The following KIAA1549L variants were observed in gnomAD, a reference collection of about 807,000 sequenced individuals.
KIAA1549L encodes KIAA1549 like.
KIAA1549L carries 88 observed loss-of-function variants against 160.7 expected under a neutral mutation model. The ratio of observed to expected loss-of-function variants is 0.55; its 90% CI spans 0.46 to 0.65. The LOEUF (loss-of-function observed/expected upper bound fraction) is 0.65. KIAA1549L is among the 30% of genes least tolerant of loss of function. The pLI is 0.00. For synonymous variants in KIAA1549L, 950 were observed against 976.7 expected, an observed-to-expected ratio of 0.97 and a Z score of 0.51; for missense variants, 2,258 against 2,437.5, an observed-to-expected ratio of 0.93 and a Z score of 1.55.
chr11:33,476,936 C>T (rs1321079885), intron 1 of KIAA1549L, among the ~76,000 whole-genome samples: 1 of 152,118 alleles, frequency 6.6e-6, no homozygotes, highest in African/African-American at 2.4e-5. Flanking sequence ...TTGTTTGGTT[C>T]TGTATCTCTG....
At chr11:33,490,357 T>C (rs2133065626) in intron 1 of KIAA1549L, among the ~76,000 whole-genome samples, 1 of 149,704 alleles carries the variant, frequency 6.7e-6, no homozygotes, top group East Asian at 2.0e-4. Flanking sequence ...AGTATCTTGC[T>C]CTGTCACCCA....
intron 9 of KIAA1549L, among the ~76,000 whole-genome samples, chr11:33,570,005 T>TC: frequency 2.7e-5 from 1 of 36,796 alleles, no homozygotes; most frequent in South Asian, 1.1e-3. Context: ...TCTCTCTCTC[T>TC]CTTTTTTTTT....
intron 16 of KIAA1549L, among the ~76,000 whole-genome samples, chr11:33,622,061 G>T (rs1850972254): frequency 6.6e-6 from 1 of 152,122 alleles, no homozygotes; most frequent in South Asian, 2.1e-4. Context: ...TGTGGGCAGT[G>T]GGTTTGAAAA....
intron 1 of KIAA1549L, among the ~76,000 whole-genome samples, chr11:33,394,609 G>A (rs537583921): frequency 6.6e-6 from 1 of 152,112 alleles, no homozygotes; most frequent in Non-Finnish European, 1.5e-5. Flanking sequence ...TTTTAGACGG[G>A]GCATCTGTCA....
At chr11:33,540,117 A>G (rs1221249403) in intron 1 of KIAA1549L, among the ~76,000 whole-genome samples, 3 of 152,176 alleles carry the variant, frequency 2.0e-5, no homozygotes, top group Non-Finnish European at 4.4e-5. Flanking sequence ...ATCCCTTGGT[A>G]TTAGCCCCTA....
chr11:33,612,906 C>T (rs947559345), intron 15 of KIAA1549L, among the ~76,000 whole-genome samples: 5 of 152,162 alleles, frequency 3.3e-5, no homozygotes, highest in African/African-American at 1.2e-4. Flanking sequence ...CCTCCAACTC[C>T]ATCCATGTTT....
chr11:33,559,709 T>C (rs1056588308), intron 6 of KIAA1549L, 40 bp from the exon 7 acceptor site: 5 of 1,588,236 alleles, frequency 3.1e-6, no homozygotes, highest in Non-Finnish European at 4.3e-6. Context: ...CTGGTCTTAT[T>C]TGGCCTGTCT....
At chr11:33,565,703 G>A (rs1855024753) in intron 8 of KIAA1549L, among the ~76,000 whole-genome samples, 1 of 135,218 alleles carries the variant, frequency 7.4e-6, no homozygotes, top group African/African-American at 2.9e-5. Context: ...CTTCCGTGGA[G>A]GCTTTTTTTT....
chr11:33,596,722 GA>G (rs1301898406), intron 12 of KIAA1549L, among the ~76,000 whole-genome samples: 12 of 152,346 alleles, frequency 7.9e-5, no homozygotes, highest in South Asian at 6.2e-4. Flanking sequence ...CTGGGTGACA[GA>G]TCAAGACTCT....
intron 1 of KIAA1549L, among the ~76,000 whole-genome samples, chr11:33,392,367 A>G (rs899201018): frequency 6.6e-6 from 1 of 152,214 alleles, no homozygotes; most frequent in Non-Finnish European, 1.5e-5. Flanking sequence ...TTTTTGATGT[A>G]TTCAGAGTAA....
chr11:33,445,450 C>T (rs151055892), intron 1 of KIAA1549L, among the ~76,000 whole-genome samples: 176 of 152,238 alleles, frequency 1.2e-3, no homozygotes, highest in Middle Eastern at 3.4e-3. Context: ...TAATTTGTGT[C>T]GGTTATTGAA....
chr11:33,497,040 C>T (rs1163837943), intron 1 of KIAA1549L, among the ~76,000 whole-genome samples: 2 of 152,082 alleles, frequency 1.3e-5, no homozygotes, highest in Non-Finnish European at 2.9e-5. Context: ...TACCCCTTAC[C>T]ACTCACACGG....
intron 1 of KIAA1549L, among the ~76,000 whole-genome samples, chr11:33,491,205 C>A (rs566869469): frequency 1.3e-5 from 2 of 152,282 alleles, no homozygotes; most frequent in South Asian, 4.1e-4. Context: ...TAGTGAGAAG[C>A]CTCATGGAAT....
chr11:33,402,237 T>A (rs1307858988), intron 1 of KIAA1549L, among the ~76,000 whole-genome samples: 3 of 152,206 alleles, frequency 2.0e-5, no homozygotes, highest in African/African-American at 7.2e-5. Flanking sequence ...TCTTGGTGAA[T>A]GGAGCTTCTG....
intron 1 of KIAA1549L, among the ~76,000 whole-genome samples, chr11:33,402,316 A>G (rs1850519335): frequency 6.6e-6 from 1 of 152,038 alleles, no homozygotes. Context: ...CACCCTGCAT[A>G]TCTGATTGGT....
At chr11:33,415,793 A>T (rs1432755594) in intron 1 of KIAA1549L, among the ~76,000 whole-genome samples, 1 of 152,110 alleles carries the variant, frequency 6.6e-6, no homozygotes. Flanking sequence ...ATGACTTATC[A>T]GCATTTATTT....
chr11:33,667,907 G>A lies in KIAA1549L; in HGVS notation c.6194G>A (p.Arg2065Gln), dbSNP rs777641908. 1.1e-5 allele frequency: 17 copies of A among 1,613,108 alleles called. No individual in the cohort carries two copies. The highest frequency in any genetic ancestry group is 3.3e-5 in the Admixed American group (2 of 59,924). ...PLPGYIEAYP[R>Q]SRYPQSSPSR... ...CCAGGGTACATCGAGGCCTACCCCCGATCACGGTACCCCCAGAGCTCTCCC... is the reference window on the plus strand; with the variant it reads ...CCAGGGTACATCGAGGCCTACCCCCAATCACGGTACCCCCAGAGCTCTCCC... The change falls in exon 21 of 21, where the codon CGA (arginine) becomes CAA (glutamine). Residue 2065 changes from arginine (R) to glutamine (Q), a missense_variant. By Grantham distance (43) the Arg-to-Gln change is conservative. This residue lies in a region of KIAA1549L where 1,359 missense variants were observed against 1,546.6 expected (regional missense o/e 0.88). Transcript: ENST00000658780.
intron 1 of KIAA1549L, chr11:33,450,588 C>CAACAAAAAAA (rs1554978916): frequency 6.7e-6 from 1 of 149,514 alleles, no homozygotes; most frequent in African/African-American, 2.5e-5. Context: ...ACAACAACAA[C>CAACAAAAAAA]AAAAAAGAAA....
intron 1 of KIAA1549L, among the ~76,000 whole-genome samples, chr11:33,519,644 G>C (rs191286997): frequency 1.1e-3 from 175 of 152,216 alleles, no homozygotes; most frequent in African/African-American, 4.1e-3. Flanking sequence ...GAACAAGAAG[G>C]GTGTAAAATC....
Sources: gnomAD v4.1 joint callset for allele counts (sites outside exome capture counted in the v4.1 genomes callset) on GRCh38, gnomAD v4.1.1 for gene constraint, gnomAD v4.1.1 regional missense constraint, MANE v1.5 for transcripts, NCBI Gene and HGNC (gene_info 2026-07-23, HGNC 2026-07-21) for gene names.